Variants in HCN1 observed in about 807,000 individuals in gnomAD.
The protein encoded by HCN1 is potassium/sodium hyperpolarization-activated cyclic nucleotide-gated channel 1.
Under a neutral mutation model 78.9 loss-of-function variants are expected in HCN1, and 13 were observed. That is an observed-to-expected ratio of 0.16 (90% CI 0.11 to 0.26). HCN1 has a LOEUF of 0.26. HCN1 is among the 10% of genes least tolerant of loss of function. HCN1 has a pLI of 1.00. For missense variants in HCN1, 810 were observed against 1,154.3 expected, an observed-to-expected ratio of 0.70 and a Z score of 4.32; for synonymous variants, 552 against 455.5, an observed-to-expected ratio of 1.21 and a Z score of -2.70.
chr5:45,595,051 A>G (rs899540016), intron 2 of HCN1, among the ~76,000 whole-genome samples: 28 of 152,248 alleles, frequency 1.8e-4, no homozygotes, highest in African/African-American at 7.2e-5. Context: ...CCAGGAAAAG[A>G]AAGACAAATG....
At chr5:45,378,783 C>T (rs1747744270) in intron 4 of HCN1, among the ~76,000 whole-genome samples, 1 of 152,088 alleles carries the variant, frequency 6.6e-6, no homozygotes, top group Non-Finnish European at 1.5e-5. Context: ...GCCCCTCACC[C>T]CACAACAGGC....
intron 1 of HCN1, among the ~76,000 whole-genome samples, chr5:45,656,634 A>C (rs1580024111): frequency 6.6e-6 from 1 of 152,166 alleles, no homozygotes; most frequent in East Asian, 1.9e-4. Context: ...AAATAAATCC[A>C]AGGCTATCCC....
intron 3 of HCN1, among the ~76,000 whole-genome samples, chr5:45,424,210 G>A (rs908526004): frequency 3.3e-5 from 5 of 151,602 alleles, no homozygotes; most frequent in African/African-American, 1.2e-4. Context: ...GGAGAATGGC[G>A]TGAACCCGGG....
chr5:45,342,154 G>A (rs148443219), intron 5 of HCN1, among the ~76,000 whole-genome samples: 1 of 152,078 alleles, frequency 6.6e-6, no homozygotes, highest in Non-Finnish European at 1.5e-5. Flanking sequence ...GAGCTTATGT[G>A]GAGAAATGAA....
At chr5:45,409,513 C>G (rs1404407377) in intron 3 of HCN1, among the ~76,000 whole-genome samples, 1 of 151,926 alleles carries the variant, frequency 6.6e-6, no homozygotes, top group Non-Finnish European at 1.5e-5. Flanking sequence ...CATGCTCTCA[C>G]CTTTACAGAT....
At chr5:45,306,899 T>C (rs1745746034) in intron 5 of HCN1, among the ~76,000 whole-genome samples, 1 of 152,078 alleles carries the variant, frequency 6.6e-6, no homozygotes, top group Non-Finnish European at 1.5e-5. Flanking sequence ...TAGTAATAAG[T>C]TGCTCCAGAT....
intron 5 of HCN1, among the ~76,000 whole-genome samples, chr5:45,352,099 C>T (rs1213340213): frequency 1.3e-5 from 2 of 152,106 alleles, no homozygotes; most frequent in African/African-American, 2.4e-5. Flanking sequence ...CGGCACTATT[C>T]CCAATAGCAA....
At chr5:45,362,127 T>C (rs983249927) in intron 4 of HCN1, among the ~76,000 whole-genome samples, 1 of 151,734 alleles carries the variant, frequency 6.6e-6, no homozygotes, top group Non-Finnish European at 1.5e-5. Flanking sequence ...TAAACTTTAT[T>C]ACTATAGTTT....
chr5:45,369,696 A>G (rs1290956010), intron 4 of HCN1, among the ~76,000 whole-genome samples: 1 of 152,132 alleles, frequency 6.6e-6, no homozygotes, highest in Non-Finnish European at 1.5e-5. Flanking sequence ...ACATTTGACA[A>G]GTGACATTAG....
chr5:45,310,448 A>T (rs1300016494), intron 5 of HCN1, among the ~76,000 whole-genome samples: 1 of 152,202 alleles, frequency 6.6e-6, no homozygotes, highest in Non-Finnish European at 1.5e-5. Context: ...AGACATGTAA[A>T]TCAAAACCAC....
At chr5:45,290,543 A>G (rs1384049786) in intron 6 of HCN1, among the ~76,000 whole-genome samples, 1 of 152,126 alleles carries the variant, frequency 6.6e-6, no homozygotes, top group Non-Finnish European at 1.5e-5. Flanking sequence ...CAAAATAAAT[A>G]AGACACTTTT....
intron 1 of HCN1, among the ~76,000 whole-genome samples, chr5:45,663,799 C>A (rs1460930955): frequency 1.3e-5 from 2 of 150,236 alleles, no homozygotes; most frequent in Non-Finnish European, 3.0e-5. Context: ...ATTAAAAAGT[C>A]AGGAAACAAC....
chr5:45,565,992 A>G (rs953973046), intron 2 of HCN1, among the ~76,000 whole-genome samples: 2 of 152,200 alleles, frequency 1.3e-5, no homozygotes, highest in Admixed American at 6.5e-5. Context: ...TGGTGGTATA[A>G]TGATTTGTGT....
intron 2 of HCN1, among the ~76,000 whole-genome samples, chr5:45,485,244 C>A (rs1741732354): frequency 6.6e-6 from 1 of 152,150 alleles, no homozygotes; most frequent in Non-Finnish European, 1.5e-5. Flanking sequence ...GACTTGATGC[C>A]TTGTAAATAT....
intron 4 of HCN1, among the ~76,000 whole-genome samples, chr5:45,375,747 T>C (rs1318684821): frequency 1.8e-5 from 2 of 113,662 alleles, no homozygotes; most frequent in African/African-American, 3.9e-5. Flanking sequence ...ATATCTTATA[T>C]ATAATATCAT....
intron 1 of HCN1, among the ~76,000 whole-genome samples, chr5:45,648,440 A>G (rs1745591753): frequency 6.6e-6 from 1 of 152,062 alleles, no homozygotes; most frequent in African/African-American, 2.4e-5. Flanking sequence ...ACCCCATAAT[A>G]TCCTTTTAAA....
At chr5:45,372,179 TA>T (rs1236893557) in intron 4 of HCN1, among the ~76,000 whole-genome samples, 1 of 61,586 alleles carries the variant, frequency 1.6e-5, no homozygotes, top group African/African-American at 9.7e-5. Context: ...AATTATATTA[TA>T]ATATAATACA....
chr5:45,396,429 C>G, intron 4 of HCN1, 63 bp downstream of exon 4: 1 of 1,274,882 alleles, frequency 7.8e-7, no homozygotes, highest in Non-Finnish European at 1.1e-6. Context: ...ATCTTGAACA[C>G]AATTCAATTT....
intron 4 of HCN1, among the ~76,000 whole-genome samples, chr5:45,367,538 G>A (rs934495643): frequency 6.6e-6 from 1 of 151,842 alleles, no homozygotes; most frequent in Non-Finnish European, 1.5e-5. Context: ...GTTACCAGTG[G>A]TAAGAGGACA....
Sources: gnomAD v4.1 joint callset for allele counts (sites outside exome capture counted in the v4.1 genomes callset) on GRCh38, gnomAD v4.1.1 for gene constraint, MANE v1.5 for transcripts, NCBI Gene and HGNC (gene_info 2026-07-23, HGNC 2026-07-21) for gene names.